UGT1A7: variants seen among roughly 807,000 people sequenced by gnomAD.
UGT1A7 encodes the protein UDP-glucuronosyltransferase 1A7.
Under a neutral mutation model 45.6 loss-of-function variants are expected in UGT1A7, and 33 were observed. The observed-to-expected ratio is 0.72, with a 90% confidence interval of 0.55 to 0.97. The LOEUF (loss-of-function observed/expected upper bound fraction) is 0.97, where lower values mean the gene tolerates loss of function less well. Among genes scored for constraint, UGT1A7 ranks in the 50% least tolerant of loss-of-function variants. The pLI, the probability that UGT1A7 is intolerant of heterozygous loss-of-function variation, is 0.00. For synonymous variants in UGT1A7, 274 were observed against 250.6 expected (o/e 1.09, Z -0.88); for missense variants, 684 against 666.2 (o/e 1.03, Z -0.29).
chr2:233,750,338 T>A (rs1437609393), intron 1 of UGT1A7, among the ~76,000 whole-genome samples: 1 of 151,900 alleles, frequency 6.6e-6, no homozygotes, highest in Non-Finnish European at 1.5e-5. Context: ...AGAGAGATGA[T>A]CTGAAATTGG....
At chr2:233,722,287 T>G (rs2125687052) in intron 1 of UGT1A7, among the ~76,000 whole-genome samples, 2 of 152,350 alleles carry the variant, frequency 1.3e-5, no homozygotes, top group Admixed American at 1.3e-4. Flanking sequence ...TGATTTCCTT[T>G]GTTATTTTGT....
At chr2:233,757,911 T>G (rs1423273798) in intron 1 of UGT1A7, among the ~76,000 whole-genome samples, 6 of 152,118 alleles carry the variant, frequency 3.9e-5, no homozygotes, top group Non-Finnish European at 8.8e-5. Flanking sequence ...GACGTGTCAC[T>G]CTTTAGCAGC....
intron 1 of UGT1A7, chr2:233,692,943 G>C: frequency 1.3e-6 from 2 of 1,597,154 alleles, no homozygotes; most frequent in East Asian, 2.2e-5. Context: ...AAATACCTAG[G>C]AGCCCTGTGA....
intron 1 of UGT1A7, among the ~76,000 whole-genome samples, chr2:233,695,107 C>T (rs941691893): frequency 3.3e-5 from 5 of 150,048 alleles, no homozygotes; most frequent in African/African-American, 1.2e-4. Flanking sequence ...GTTTTTGTGC[C>T]CATTAACCAA....
chr2:233,768,836 G>A (rs543894216), intron 4 of UGT1A7, among the ~76,000 whole-genome samples: 3 of 151,834 alleles, frequency 2.0e-5, no homozygotes, highest in African/African-American at 7.3e-5. Flanking sequence ...CACCTGCCTC[G>A]GCCTGCCAAA....
intron 1 of UGT1A7, chr2:233,690,834 GA>G (rs1393165111): frequency 9.4e-7 from 1 of 1,069,408 alleles, no homozygotes; most frequent in Non-Finnish European, 1.1e-6. Context: ...ACAGGAGAAA[GA>G]AAAATGTTTT....
intron 1 of UGT1A7, among the ~76,000 whole-genome samples, chr2:233,690,309 T>C (rs1246191165): frequency 2.6e-5 from 4 of 152,226 alleles, no homozygotes; most frequent in Non-Finnish European, 5.9e-5. Flanking sequence ...GCTCCATTAC[T>C]TATGGGTCGT....
chr2:233,695,246 C>T (rs994103006), intron 1 of UGT1A7, among the ~76,000 whole-genome samples: 1 of 151,774 alleles, frequency 6.6e-6, no homozygotes, highest in Non-Finnish European at 1.5e-5. Flanking sequence ...CTGCCTCAGC[C>T]TCCTGAGTAG....
chr2:233,683,245 G>A (rs925181068), intron 1 of UGT1A7, among the ~76,000 whole-genome samples: 2 of 151,912 alleles, frequency 1.3e-5, no homozygotes, highest in Non-Finnish European at 2.9e-5. Flanking sequence ...TGCTGGCTAT[G>A]TTTTTTTATG....
At chr2:233,725,508 T>G (rs1448108269) in intron 1 of UGT1A7, among the ~76,000 whole-genome samples, 1 of 151,984 alleles carries the variant, frequency 6.6e-6, no homozygotes, top group East Asian at 1.9e-4. Context: ...TGAAATTAAT[T>G]TTACTAAGGC....
chr2:233,771,662 C>A (rs1000689194), intron 4 of UGT1A7: 1 of 152,330 alleles, frequency 6.6e-6, no homozygotes, highest in Non-Finnish European at 1.5e-5. Flanking sequence ...AATGAAATTT[C>A]TCACAAAATA....
intron 1 of UGT1A7, chr2:233,719,176 A>G (rs538162022): frequency 1.9e-6 from 3 of 1,614,116 alleles, no homozygotes. Context: ...ATTATGAACA[A>G]TGTATCTTTG....
intron 1 of UGT1A7, among the ~76,000 whole-genome samples, chr2:233,759,429 C>A (rs1193069176): frequency 1.3e-5 from 2 of 152,114 alleles, no homozygotes; most frequent in Admixed American, 6.5e-5. Context: ...GGCCAGTTGG[C>A]TCTATTTTAA....
intron 1 of UGT1A7, chr2:233,761,124 C>T: frequency 1.9e-6 from 3 of 1,614,202 alleles, no homozygotes; most frequent in Non-Finnish European, 2.5e-6. Context: ...GTGGAATCAA[C>T]TGCCTTCACC....
chr2:233,737,936 A>G (rs912128099), intron 1 of UGT1A7, among the ~76,000 whole-genome samples: 7 of 152,174 alleles, frequency 4.6e-5, no homozygotes, highest in Non-Finnish European at 8.8e-5. Flanking sequence ...TAGTGAGTCC[A>G]TTGACTGTTT....
chr2:233,690,756 GACATACACACACACACACAT>G (rs1040043100), intron 1 of UGT1A7: 5 of 1,106,974 alleles, frequency 4.5e-6, no homozygotes, highest in African/African-American at 4.7e-5. Flanking sequence ...GTCCAGTGCA[GACATACACACACACACACAT>G]ACACACACAC....
chr2:233,743,619 A>G, intron 1 of UGT1A7: 2 of 1,367,304 alleles, frequency 1.5e-6, no homozygotes, highest in African/African-American at 3.0e-5. Context: ...AACTCCCTGA[A>G]GACGTCGGCT....
intron 1 of UGT1A7, among the ~76,000 whole-genome samples, chr2:233,710,240 A>G (rs2076121731): frequency 6.6e-6 from 1 of 152,210 alleles, no homozygotes; most frequent in Non-Finnish European, 1.5e-5. Context: ...CTATTCGAGT[A>G]CGAGTGTTTC....
At chr2:233,690,562 G>C in intron 1 of UGT1A7, 1 of 1,289,358 alleles carries the variant, frequency 7.8e-7, no homozygotes, top group Non-Finnish European at 1.0e-6. Context: ...CCAAGCCTGA[G>C]TCATTCAGCC....
Sources: allele counts gnomAD v4.1 joint callset (sites outside exome capture counted in the v4.1 genomes callset), GRCh38; gene constraint gnomAD v4.1.1; transcripts MANE v1.5; gene names NCBI Gene and HGNC (gene_info 2026-07-23, HGNC 2026-07-21).